CDIN1: variants seen among roughly 807,000 people sequenced by gnomAD.
CDIN1 encodes the protein CDAN1 interacting nuclease 1.
A neutral mutation model predicts 45.3 loss-of-function variants in CDIN1; 33 were observed. The observed-to-expected ratio is 0.73, with a 90% CI of 0.55 to 0.97. The LOEUF is 0.97. Among genes scored for constraint, CDIN1 ranks in the 50% least tolerant of loss-of-function variants. The pLI, the probability that CDIN1 is intolerant of heterozygous loss-of-function variation, is 0.00. For synonymous variants in CDIN1, 118 were observed against 124.4 expected (o/e 0.95, Z 0.34); for missense variants, 303 against 339.4 (o/e 0.89, Z 0.84).
At chr15:36,682,472 C>T (rs765706322) in intron 5 of CDIN1, among the ~76,000 whole-genome samples, 6 of 151,840 alleles carry the variant, frequency 4.0e-5, no homozygotes, top group African/African-American at 7.3e-5. Context: ...CCCTCACAGA[C>T]GCACCCAAAA....
intron 10 of CDIN1, among the ~76,000 whole-genome samples, chr15:36,773,817 T>A (rs1203484676): frequency 6.6e-6 from 1 of 152,230 alleles, no homozygotes; most frequent in Non-Finnish European, 1.5e-5. Flanking sequence ...AGGCTAGGGA[T>A]AAACCCTTCA....
intron 5 of CDIN1, among the ~76,000 whole-genome samples, chr15:36,664,078 G>A (rs1025904572): frequency 6.6e-6 from 1 of 152,202 alleles, no homozygotes; most frequent in African/African-American, 2.4e-5. Flanking sequence ...GATACTGGTA[G>A]TGAGGAAGTA....
rs531270209 is a variant in CDIN1, at chr15:36,701,677, C to T, written c.544+4287C>T. The stretch of plus-strand genomic sequence containing the variant: ...TGGTTCTGGAGATATTTTATTCTTT[C>T]CAGTGAATGTTTCCCTGTTAGTAGA... On this transcript the variant is annotated intron_variant, in intron 8 of 10. Transcript: ENST00000566621. Among the ~76,000 whole-genome samples the T allele has an allele frequency of 2.2e-4, 33 of 152,242 alleles. No individual in the cohort carries two copies. In the South Asian group the frequency reaches 6.8e-3, roughly 32 times the overall value.
chr15:36,770,691 C>T (rs913252010), intron 10 of CDIN1, among the ~76,000 whole-genome samples: 3 of 152,128 alleles, frequency 2.0e-5, no homozygotes, highest in African/African-American at 7.2e-5. Context: ...TCAAGTGATC[C>T]GCCCACCTCA....
At chr15:36,682,439 A>G (rs1310683002) in intron 5 of CDIN1, among the ~76,000 whole-genome samples, 2 of 151,958 alleles carry the variant, frequency 1.3e-5, no homozygotes, top group African/African-American at 2.4e-5. Flanking sequence ...TTTACATTCA[A>G]ATTTTAATGT....
At chr15:36,691,013 T>C (rs1404394831) in intron 5 of CDIN1, 3 of 382,910 alleles carry the variant, frequency 7.8e-6, no homozygotes, top group Admixed American at 3.5e-5. Context: ...TTCAACTTAA[T>C]TTGCAAGTTG....
chr15:36,714,985 CA>C (rs1456453160), intron 10 of CDIN1, among the ~76,000 whole-genome samples: 3 of 152,170 alleles, frequency 2.0e-5, no homozygotes, highest in Admixed American at 2.0e-4. Flanking sequence ...TATAACTAGA[CA>C]GGGGCCAGAG....
At chr15:36,701,251 A>T (rs979549640) in intron 8 of CDIN1, among the ~76,000 whole-genome samples, 2 of 152,100 alleles carry the variant, frequency 1.3e-5, no homozygotes, top group African/African-American at 2.4e-5. Context: ...AAAACTCCTC[A>T]ACGTTAAATT....
intron 10 of CDIN1, among the ~76,000 whole-genome samples, chr15:36,723,982 G>A (rs1386616673): frequency 2.6e-5 from 4 of 152,150 alleles, no homozygotes; most frequent in Admixed American, 1.3e-4. Flanking sequence ...TCAAGGTGCT[G>A]GTTTAAGCAC....
At chr15:36,673,012 G>T (rs997544873) in intron 5 of CDIN1, among the ~76,000 whole-genome samples, 19 of 152,066 alleles carry the variant, frequency 1.2e-4, no homozygotes, top group Non-Finnish European at 2.2e-4. Flanking sequence ...GCATTAGAAG[G>T]TCCCGGCTCT....
chr15:36,599,389 A>G (rs533872123), intron 1 of CDIN1, among the ~76,000 whole-genome samples: 18 of 152,312 alleles, frequency 1.2e-4, no homozygotes, highest in Non-Finnish European at 1.6e-4. Flanking sequence ...TAATTTTGTG[A>G]GTTCCACTTT....
chr15:36,725,303 C>G (rs1033365371), intron 10 of CDIN1, among the ~76,000 whole-genome samples: 13 of 146,728 alleles, frequency 8.9e-5, no homozygotes, highest in African/African-American at 3.1e-4. Flanking sequence ...TTGCTTTTTA[C>G]ATTTCTCTTG....
chr15:36,682,210 GA>G (rs141159967), intron 5 of CDIN1, among the ~76,000 whole-genome samples: 3,031 of 152,190 alleles, frequency 0.02, 41 homozygotes, highest in Non-Finnish European at 0.031. Context: ...CCCTGAGAAT[GA>G]GAAGAGCCAG....
At chr15:36,585,486 T>C (rs2037252744) in intron 1 of CDIN1, among the ~76,000 whole-genome samples, 1 of 152,202 alleles carries the variant, frequency 6.6e-6, no homozygotes, top group African/African-American at 2.4e-5. Context: ...TTCCTTTGTG[T>C]TTGATGTTTA....
At chr15:36,626,769 C>A in intron 1 of CDIN1, 1 of 355,876 alleles carries the variant, frequency 2.8e-6, no homozygotes, top group Non-Finnish European at 5.5e-6. Flanking sequence ...ACTTGGTGTG[C>A]GTTACTGATG....
intron 10 of CDIN1, among the ~76,000 whole-genome samples, chr15:36,784,634 C>T (rs114672008): frequency 0.019 from 2,965 of 152,242 alleles, 104 homozygotes; most frequent in African/African-American, 0.066. Flanking sequence ...CCACACTTCA[C>T]GGAGATTTTT....
Position 36,709,250 on chromosome 15 carries a change from A to C in CDIN1, c.572A>C (p.Tyr191Ser). The C allele has an allele frequency of 6.2e-7, 1 of 1,603,892 alleles. No individual in the cohort carries two copies. Among genetic ancestry groups the C allele is most frequent in the Non-Finnish European group, 8.5e-7 (1 of 1,174,638 alleles). ...LDEDQLRAKG[Y>S]DKTPDFILQV... ...GAAGATCAGCTTCGTGCAAAGGGTT[A>C]TGACAAAACACCAGACTTCATTTTA... Residue 191 changes from tyrosine (Y) to serine (S), a missense_variant, in exon 9 of 11, where the codon TAT (tyrosine) becomes TCT (serine). Transcript: ENST00000566621.
chr15:36,619,047 C>G, intron 1 of CDIN1: 3 of 1,315,092 alleles, frequency 2.3e-6, no homozygotes, highest in Non-Finnish European at 3.2e-6. Flanking sequence ...CCACGACAAA[C>G]AAAGACAATG....
intron 10 of CDIN1, among the ~76,000 whole-genome samples, chr15:36,787,651 T>G (rs2054525774): frequency 6.6e-6 from 1 of 152,216 alleles, no homozygotes; most frequent in African/African-American, 2.4e-5. Context: ...ATAGCACTAT[T>G]GTGATAATAC....
Sources: allele counts gnomAD v4.1 joint callset (sites outside exome capture counted in the v4.1 genomes callset), GRCh38; gene constraint gnomAD v4.1.1; transcripts MANE v1.5; gene names NCBI Gene and HGNC (gene_info 2026-07-23, HGNC 2026-07-21).